GRM7: variants seen among roughly 807,000 people sequenced by gnomAD.
GRM7 encodes glutamate metabotropic receptor 7.
A neutral mutation model predicts 84.5 loss-of-function variants in GRM7; 35 were observed. The observed-to-expected ratio is 0.41, with a 90% CI of 0.32 to 0.55. The LOEUF is 0.55. Among genes scored for constraint, GRM7 ranks in the 20% least tolerant of loss-of-function variants. The pLI is 0.19. For missense variants in GRM7, 1,003 were observed against 1,194.6 expected, an observed-to-expected ratio of 0.84 and a Z score of 2.36; for synonymous variants, 487 against 455.1, an observed-to-expected ratio of 1.07 and a Z score of -0.89.
chr3:7,404,274 A>G (rs1437926601), intron 4 of GRM7, among the ~76,000 whole-genome samples: 1 of 152,172 alleles, frequency 6.6e-6, no homozygotes, highest in Non-Finnish European at 1.5e-5. Flanking sequence ...GGTAGGCATC[A>G]GGTCTTGGCA....
At chr3:7,674,190 T>G (rs561097021) in intron 8 of GRM7, among the ~76,000 whole-genome samples, 1 of 152,074 alleles carries the variant, frequency 6.6e-6, no homozygotes, top group East Asian at 1.9e-4. Context: ...GTAGTTGAAT[T>G]TTTTTCTTTT....
chr3:7,122,675 T>C (rs1693264663), intron 1 of GRM7, among the ~76,000 whole-genome samples: 2 of 152,218 alleles, frequency 1.3e-5, no homozygotes, highest in South Asian at 2.1e-4. Context: ...ATAATACTTG[T>C]TAGCAAAAGA....
chr3:7,061,092 G>C (rs1050106811), intron 1 of GRM7, among the ~76,000 whole-genome samples: 13 of 151,668 alleles, frequency 8.6e-5, no homozygotes, highest in Admixed American at 5.3e-4. Context: ...AAACTATTAA[G>C]ATTTATATGT....
intron 9 of GRM7, chr3:7,681,101 A>G (rs189517085): frequency 6.6e-6 from 1 of 152,372 alleles, no homozygotes. Context: ...TTTACTAACA[A>G]TATGGTGGTA....
intron 8 of GRM7, among the ~76,000 whole-genome samples, chr3:7,594,149 T>G (rs111908416): frequency 6.6e-6 from 1 of 152,244 alleles, no homozygotes; most frequent in African/African-American, 2.4e-5. Context: ...CTATTCCAAG[T>G]CTCATTCACC....
At position 7,447,623 on chromosome 3, in the gene GRM7, G is replaced by T. The variant is rs565932377; in HGVS notation, c.1175-4984G>T. 5.9e-5 allele frequency among the ~76,000 whole-genome samples: 9 copies of T among 152,234 alleles called. No individual in the cohort carries two copies. In the East Asian group the frequency reaches 1.5e-3, roughly 26 times the overall value. On this transcript the variant is annotated intron_variant, in intron 5 of 9. Transcript: ENST00000357716. ...TCAGGACTACAAAATGACTGGAGTA[G>T]TTGCGGGGTGCGTGGGCCGGGTGTG... is the stretch of plus-strand genomic sequence containing the variant.
chr3:7,487,732 T>C (rs1376390791), intron 7 of GRM7, among the ~76,000 whole-genome samples: 2 of 152,172 alleles, frequency 1.3e-5, no homozygotes, highest in Admixed American at 1.3e-4. Flanking sequence ...TCCGGAAGAC[T>C]GGGGGCCCAG....
chr3:7,036,497 G>C (rs530411264), intron 1 of GRM7, among the ~76,000 whole-genome samples: 3 of 152,202 alleles, frequency 2.0e-5, no homozygotes, highest in Non-Finnish European at 2.9e-5. Context: ...TGGGATTATA[G>C]AATCTCCAAC....
At chr3:6,911,160 C>A (rs1444781472) in intron 1 of GRM7, among the ~76,000 whole-genome samples, 2 of 152,128 alleles carry the variant, frequency 1.3e-5, no homozygotes, top group African/African-American at 2.4e-5. Context: ...TGAGAAAGTA[C>A]CTTCTATAAT....
chr3:7,660,923 A>C (rs1172090300), intron 8 of GRM7, among the ~76,000 whole-genome samples: 1 of 152,222 alleles, frequency 6.6e-6, no homozygotes, highest in Non-Finnish European at 1.5e-5. Context: ...ATCCAAAATA[A>C]ACAAACATGC....
At chr3:7,495,471 A>G (rs1172078024) in intron 7 of GRM7, among the ~76,000 whole-genome samples, 1 of 152,092 alleles carries the variant, frequency 6.6e-6, no homozygotes, top group African/African-American at 2.4e-5. Flanking sequence ...TCCCTGGATT[A>G]GGGAGAAAAG....
At chr3:6,931,862 T>TTGAATAAGG (rs1697512762) in intron 1 of GRM7, among the ~76,000 whole-genome samples, 1 of 152,214 alleles carries the variant, frequency 6.6e-6, no homozygotes, top group African/African-American at 2.4e-5. Flanking sequence ...AGTTTGGGGA[T>TTGAATAAGG]TCCAACTTAA....
intron 6 of GRM7, among the ~76,000 whole-genome samples, chr3:7,459,391 T>C (rs1248823151): frequency 1.3e-5 from 2 of 152,118 alleles, no homozygotes; most frequent in Non-Finnish European, 2.9e-5. Flanking sequence ...AAAGCCTTTA[T>C]TGGGGTTCAG....
chr3:7,034,045 G>A (rs1304203419), intron 1 of GRM7, among the ~76,000 whole-genome samples: 1 of 152,090 alleles, frequency 6.6e-6, no homozygotes, highest in Non-Finnish European at 1.5e-5. Flanking sequence ...TGGTCATTAT[G>A]GATCTGATTA....
intron 9 of GRM7, chr3:7,693,732 CT>C: frequency 8.4e-7 from 1 of 1,185,588 alleles, no homozygotes. Flanking sequence ...GGAAGCTTTG[CT>C]ACCCAGCCCA....
At chr3:7,172,953 TTTA>T (rs1471038944) in intron 2 of GRM7, among the ~76,000 whole-genome samples, 1 of 152,048 alleles carries the variant, frequency 6.6e-6, no homozygotes, top group Non-Finnish European at 1.5e-5. Flanking sequence ...ATACACATAA[TTTA>T]TTATATGTAT....
At chr3:6,994,850 C>T (rs554111529) in intron 1 of GRM7, among the ~76,000 whole-genome samples, 7 of 152,144 alleles carry the variant, frequency 4.6e-5, no homozygotes, top group African/African-American at 1.4e-4. Flanking sequence ...TTGGATGATT[C>T]GGCCAAATTG....
intron 2 of GRM7, among the ~76,000 whole-genome samples, chr3:7,218,417 A>G (rs1696685876): frequency 6.6e-6 from 1 of 152,020 alleles, no homozygotes; most frequent in African/African-American, 2.4e-5. Context: ...TGTGAATTGC[A>G]TGTGCCCATG....
In GRM7 at chr3:7,302,652, AAATT is replaced by A. The variant is rs1461650421; in HGVS notation, c.878+3830_878+3833del. 2.6e-5 allele frequency among the ~76,000 whole-genome samples: 4 copies of A among 152,240 alleles called. No homozygotes were observed. The East Asian group carries it at 5.8e-4, about 22-fold the overall frequency. On this transcript the variant is annotated intron_variant, in intron 3 of 9. Coordinates refer to ENST00000357716, the MANE Select transcript of GRM7 (RefSeq NM_000844.4). ...TTTTTGGTCAGCTTTTATTTTGTGA[AAATT>A]AAATAATCTTTTATCATGTATTTAA...
Sources: allele counts gnomAD v4.1 joint callset (sites outside exome capture counted in the v4.1 genomes callset), GRCh38; gene constraint gnomAD v4.1.1; transcripts MANE v1.5; gene names NCBI Gene and HGNC (gene_info 2026-07-23, HGNC 2026-07-21).